Variants in SAMD12 observed in about 807,000 individuals in gnomAD.
The protein encoded by SAMD12 is sterile alpha motif domain-containing protein 12.
SAMD12 carries 9 observed loss-of-function variants against 15.0 expected under a neutral mutation model. That is an observed-to-expected ratio of 0.60 (90% CI 0.36 to 1.05). SAMD12 has a LOEUF of 1.05. SAMD12 is among the 50% of genes least tolerant of loss of function. The probability of loss-of-function intolerance (pLI) is 0.01; values close to 1 mark genes in which losing one functional copy is unlikely to be tolerated. For synonymous variants in SAMD12, 86 were observed against 90.1 expected, an observed-to-expected ratio of 0.96 and a Z score of 0.25; for missense variants, 230 against 234.2, an observed-to-expected ratio of 0.98 and a Z score of 0.12.
intron 3 of SAMD12, among the ~76,000 whole-genome samples, chr8:118,397,972 A>G (rs1820668029): frequency 6.6e-6 from 1 of 152,092 alleles, no homozygotes; most frequent in South Asian, 2.1e-4. Context: ...TTGTTTTAGT[A>G]GAGACAGGGT....
At chr8:118,487,365 G>A (rs1419277209) in intron 2 of SAMD12, among the ~76,000 whole-genome samples, 1 of 152,178 alleles carries the variant, frequency 6.6e-6, no homozygotes, top group African/African-American at 2.4e-5. Context: ...AATAAGCAAA[G>A]ACCAGGACCA....
chr8:118,476,903 A>G (rs1233024579), intron 2 of SAMD12, among the ~76,000 whole-genome samples: 6 of 151,936 alleles, frequency 3.9e-5, no homozygotes, highest in East Asian at 3.9e-4. Context: ...TCTCTTCCCA[A>G]TTGTCAGCAA....
intron 1 of SAMD12, 193 bp downstream of exon 1, chr8:118,621,611 T>G (rs1019174761): frequency 1.1e-5 from 7 of 645,264 alleles, no homozygotes; most frequent in Admixed American, 2.6e-5. Context: ...TTCACGTCTC[T>G]CCAAAGCAAC....
chr8:118,330,987 T>A (rs1478777427), intron 4 of SAMD12, among the ~76,000 whole-genome samples: 1 of 151,992 alleles, frequency 6.6e-6, no homozygotes, highest in African/African-American at 2.4e-5. Flanking sequence ...AGAAGGAATA[T>A]GAAGGTAGGG....
the SAMD12 span, among the ~76,000 whole-genome samples, chr8:118,146,847 C>T: frequency 2.6e-5 from 4 of 152,202 alleles, no homozygotes; most frequent in South Asian, 2.1e-4. Flanking sequence ...AAAATGAGCC[C>T]TGGGATTTCA....
At chr8:118,359,861 A>G (rs1258481478) in intron 4 of SAMD12, among the ~76,000 whole-genome samples, 1 of 152,214 alleles carries the variant, frequency 6.6e-6, no homozygotes, top group Non-Finnish European at 1.5e-5. Context: ...GTGGCTAAGT[A>G]TCCTGGGGTG....
intron 4 of SAMD12, among the ~76,000 whole-genome samples, chr8:118,336,575 C>G (rs1817079438): frequency 6.6e-6 from 1 of 151,772 alleles, no homozygotes; most frequent in Admixed American, 6.6e-5. Context: ...ATTTCTAGTT[C>G]TAGATCCTTG....
chr8:118,485,576 A>T (rs1824253321), intron 2 of SAMD12, among the ~76,000 whole-genome samples: 1 of 152,160 alleles, frequency 6.6e-6, no homozygotes, highest in African/African-American at 2.4e-5. Context: ...CAATTGGCAA[A>T]ATGCATATAT....
intron 4 of SAMD12, among the ~76,000 whole-genome samples, chr8:118,336,004 A>G (rs532765234): frequency 7.2e-5 from 11 of 152,318 alleles, no homozygotes; most frequent in Non-Finnish European, 1.6e-4. Context: ...GATTACAGGC[A>G]TAAGGCACCA....
the SAMD12 span, among the ~76,000 whole-genome samples, chr8:118,132,398 C>T: frequency 6.6e-6 from 1 of 152,188 alleles, no homozygotes; most frequent in Non-Finnish European, 1.5e-5. Flanking sequence ...AGTGTTCTTT[C>T]AATTTATTCC....
At chr8:118,427,423 T>C (rs1822265915) in intron 3 of SAMD12, among the ~76,000 whole-genome samples, 1 of 152,206 alleles carries the variant, frequency 6.6e-6, no homozygotes, top group East Asian at 1.9e-4. Context: ...ACAAAACATT[T>C]TGACCTCCTT....
intron 3 of SAMD12, among the ~76,000 whole-genome samples, chr8:118,429,346 T>A (rs1397795272): frequency 6.6e-6 from 1 of 152,240 alleles, no homozygotes; most frequent in African/African-American, 2.4e-5. Flanking sequence ...CTTCAGATTT[T>A]AAATTTTTGG....
At chr8:118,156,996 A>G in the SAMD12 span, among the ~76,000 whole-genome samples, 1 of 152,230 alleles carries the variant, frequency 6.6e-6, no homozygotes, top group Non-Finnish European at 1.5e-5. Flanking sequence ...GAGGAAAAAC[A>G]CAGGCAATAA....
chr8:118,164,308 T>G, the SAMD12 span, among the ~76,000 whole-genome samples: 1 of 152,200 alleles, frequency 6.6e-6, no homozygotes. Flanking sequence ...CCTCTTGTCT[T>G]CTCTGGATTT....
At chr8:118,391,730 G>T (rs982172260) in intron 3 of SAMD12, among the ~76,000 whole-genome samples, 6 of 152,088 alleles carry the variant, frequency 3.9e-5, no homozygotes, top group African/African-American at 1.4e-4. Flanking sequence ...CAGTATCAGG[G>T]ATTTCTTAGG....
At chr8:118,303,610 A>G (rs577246522) in intron 4 of SAMD12, among the ~76,000 whole-genome samples, 3 of 152,310 alleles carry the variant, frequency 2.0e-5, no homozygotes, top group Admixed American at 2.0e-4. Context: ...TCGCAAAAAC[A>G]AAATTTCTTT....
chr8:118,481,866 C>T (rs185297978), intron 2 of SAMD12, among the ~76,000 whole-genome samples: 2 of 152,312 alleles, frequency 1.3e-5, no homozygotes, highest in East Asian at 3.9e-4. Flanking sequence ...GTGAGACCTG[C>T]AGTTCGCCTT....
intron 2 of SAMD12, among the ~76,000 whole-genome samples, chr8:118,487,330 A>AG (rs1246846593): frequency 2.6e-5 from 4 of 152,332 alleles, no homozygotes; most frequent in African/African-American, 9.6e-5. Context: ...AAAGGAATTC[A>AG]GGGGAAGGCA....
chr8:118,614,277 T>G (rs1828182961), intron 1 of SAMD12, among the ~76,000 whole-genome samples: 1 of 152,222 alleles, frequency 6.6e-6, no homozygotes, highest in Non-Finnish European at 1.5e-5. Context: ...TCCCTTATAC[T>G]AATTTAACCT....
Sources: allele counts gnomAD v4.1 joint callset (sites outside exome capture counted in the v4.1 genomes callset), GRCh38; gene constraint gnomAD v4.1.1; transcripts MANE v1.5; gene names NCBI Gene and HGNC (gene_info 2026-07-23, HGNC 2026-07-21).